Variants in DST observed in about 807,000 individuals in gnomAD.
The protein encoded by DST is bullous pemphigoid antigen.
DST carries 253 observed loss-of-function variants against 875.2 expected under a neutral mutation model. The observed-to-expected ratio is 0.29, with a 90% confidence interval of 0.26 to 0.32. The LOEUF is 0.32. DST is among the 10% of genes least tolerant of loss of function. The probability of loss-of-function intolerance (pLI) is 1.00; values close to 1 mark genes in which losing one functional copy is unlikely to be tolerated. For synonymous variants in DST, 3,124 were observed against 3,197.1 expected, an observed-to-expected ratio of 0.98 and a Z score of 0.77; for missense variants, 8,287 against 9,111.6, an observed-to-expected ratio of 0.91 and a Z score of 3.68.
At chr6:56,629,492 G>C (rs2098759626) in intron 31 of DST, 49 bp from the exon 32 acceptor site, 2 of 1,350,522 alleles carry the variant, frequency 1.5e-6, no homozygotes, top group East Asian at 2.3e-5. Context: ...ACCACTCACT[G>C]GGTAAATATA....
At chr6:56,656,032 G>A (rs150807036) in intron 10 of DST, among the ~76,000 whole-genome samples, 2 of 152,318 alleles carry the variant, frequency 1.3e-5, no homozygotes, top group African/African-American at 4.8e-5. Flanking sequence ...GAGCTATGGG[G>A]ACTGGGACAT....
At position 56,603,625 on chromosome 6, in the gene DST, T is replaced by C; in HGVS notation, c.10880A>G (p.Asp3627Gly). 6.2e-7 allele frequency: 1 copy of C among 1,611,248 alleles called. No individual in the cohort carries two copies. The highest frequency in any genetic ancestry group is 8.5e-7 in the Non-Finnish European group (1 of 1,178,974). ...TLLQDMKPPL[D>G]NQESLDNNLE... ...GTTGTTATCCAGAGATTCCTGGTTG[T>C]CTAAGGGGGGTTTCATATCTTGAAG... The change falls in exon 41 of 104, where the codon GAC becomes GGC. Residue 3627 changes from aspartate to glycine, a missense_variant. Transcript: ENST00000680361.
chr6:56,745,388 T>C (rs553767216), intron 4 of DST, among the ~76,000 whole-genome samples: 3 of 152,294 alleles, frequency 2.0e-5, no homozygotes, highest in African/African-American at 7.2e-5. Flanking sequence ...TTCTTGCACA[T>C]TTCAAGAGAA....
At chr6:56,592,444 T>C (rs1462188847) in intron 48 of DST, 86 bp from the exon 49 acceptor site, 4 of 1,127,678 alleles carry the variant, frequency 3.5e-6, no homozygotes, top group African/African-American at 3.2e-5. Flanking sequence ...ATAAAATATG[T>C]AACTTGGAAA....
chr6:56,622,962 C>T (rs1180487367), intron 36 of DST, among the ~76,000 whole-genome samples: 1 of 152,248 alleles, frequency 6.6e-6, no homozygotes, highest in East Asian at 1.9e-4. Context: ...GTCTTCAAAC[C>T]TCAGTTGCAG....
intron 4 of DST, among the ~76,000 whole-genome samples, chr6:56,735,767 G>A (rs2099521019): frequency 6.6e-6 from 1 of 152,154 alleles, no homozygotes; most frequent in African/African-American, 2.4e-5. Flanking sequence ...CTTGACAAAA[G>A]GCAAGGCCTA....
chr6:56,787,695 C>A (rs1226230767), intron 4 of DST, among the ~76,000 whole-genome samples: 4 of 151,986 alleles, frequency 2.6e-5, no homozygotes, highest in Non-Finnish European at 5.9e-5. Flanking sequence ...CAAATAAATG[C>A]CAAACTTTGT....
intron 68 of DST, 124 bp downstream of exon 68, chr6:56,527,369 C>G: frequency 1.6e-6 from 2 of 1,246,180 alleles, no homozygotes; most frequent in South Asian, 3.3e-5. Context: ...TCTATTGGGT[C>G]TCCACCCACC....
intron 4 of DST, among the ~76,000 whole-genome samples, chr6:56,757,666 C>T (rs1346295727): frequency 1.3e-5 from 2 of 152,184 alleles, no homozygotes; most frequent in African/African-American, 4.8e-5. Flanking sequence ...CTTTGTAAGA[C>T]ATCTGGCATG....
chr6:56,944,355 CA>C (rs71303767), intron 2 of DST, among the ~76,000 whole-genome samples: 16 of 146,100 alleles, frequency 1.1e-4, no homozygotes, highest in African/African-American at 2.5e-4. Flanking sequence ...CTCACAATAA[CA>C]AAAAAAAAAC....
intron 3 of DST, among the ~76,000 whole-genome samples, chr6:56,863,511 CA>C (rs143220449): frequency 0.032 from 4,903 of 152,202 alleles, 279 homozygotes; most frequent in African/African-American, 0.11. Flanking sequence ...TACAGCTGTG[CA>C]GCCCACACCC....
chr6:56,611,935 G>T (rs1311415198), intron 37 of DST, among the ~76,000 whole-genome samples: 1 of 152,184 alleles, frequency 6.6e-6, no homozygotes, highest in Non-Finnish European at 1.5e-5. Flanking sequence ...TCATCCTTGC[G>T]CACTGCAGTC....
At position 56,701,968 on chromosome 6, in the gene DST, AAGAAC is replaced by A; in HGVS notation, c.877-8_877-4del. ...CGCATCCGACCTTTTTCTCTGGGCTAAGAACAGAAAAATGCAGGTATGAAAAAGAG... is the reference window on the plus strand; with the variant it reads ...CGCATCCGACCTTTTTCTCTGGGCTAAGAAAAATGCAGGTATGAAAAAGAG... On this transcript the variant is annotated splice_region_variant and splice_polypyrimidine_tract_variant and intron_variant, in intron 7 of 103. Transcript: ENST00000680361. 6.3e-7 allele frequency: 1 copy of A among 1,597,502 alleles called. No individual in the cohort carries two copies. Among genetic ancestry groups the A allele is most frequent in the South Asian group, 1.1e-5 (1 of 90,100 alleles).
chr6:56,629,548 A>T, intron 31 of DST, 105 bp from the exon 32 acceptor site: 1 of 874,498 alleles, frequency 1.1e-6, no homozygotes, highest in Admixed American at 2.2e-5. Context: ...CAGGTAGAAA[A>T]TAAGATAAAG....
intron 3 of DST, among the ~76,000 whole-genome samples, chr6:56,897,131 G>C (rs951713638): frequency 6.6e-6 from 1 of 152,056 alleles, no homozygotes; most frequent in Non-Finnish European, 1.5e-5. Flanking sequence ...ATCTTGAGTT[G>C]ATTTTTGTAT....
chr6:56,850,831 G>A (rs759117746), intron 4 of DST, among the ~76,000 whole-genome samples: 6 of 152,230 alleles, frequency 3.9e-5, no homozygotes, highest in Non-Finnish European at 8.8e-5. Context: ...AATTAATCAG[G>A]AAGGCGTGAT....
Position 56,464,707 on chromosome 6 carries a change from A to G in DST, c.22737T>C (p.Ile7579=), listed in dbSNP as rs776992524. The part of the protein sequence containing the change: ...KMLRSESNSS[I]TTTQPTIAKG... Reference sequence around the variant, plus strand: ...AACCTATAGTAGGCTGAGTAGTAGTAATTGAAGAGTTTGATTCCGAACGTA... The same window carrying G: ...AACCTATAGTAGGCTGAGTAGTAGTGATTGAAGAGTTTGATTCCGAACGTA... Residue 7579 remains isoleucine (I), a synonymous_variant, in exon 100 of 104, where the codon ATT becomes ATC. Transcript: ENST00000680361. The G allele has an allele frequency of 1.2e-6, 2 of 1,600,212 alleles. No homozygotes were observed. The highest frequency in any genetic ancestry group is 1.7e-5 in the Admixed American group (1 of 58,376).
At position 56,774,113 on chromosome 6, in the gene DST, C is replaced by CAAAAAA. The variant is rs59394529; in HGVS notation, c.626-38830_626-38825dup. On this transcript the variant is annotated intron_variant, in intron 4 of 103. Coordinates refer to ENST00000680361, the MANE Select transcript of DST (RefSeq NM_001374736.1). Reference sequence around the variant, plus strand: ...TGGGCAACAGAGTGAGATTCTGTCTCAAAAAAAAAAAAAAAAAAAGAATTT... The same window carrying CAAAAAA: ...TGGGCAACAGAGTGAGATTCTGTCTCAAAAAAAAAAAAAAAAAAAAAAAAAGAATTT... 6.7e-4 allele frequency among the ~76,000 whole-genome samples: 51 copies of CAAAAAA among 76,050 alleles called. 1 individual carries two copies. The highest frequency in any genetic ancestry group is 1.3e-3 in the African/African-American group (28 of 22,372). 49.9% of individuals were successfully genotyped at this position (76,050 alleles called of 152,430 possible).
chr6:56,553,605 G>A lies in DST; in HGVS notation c.15187C>T (p.Gln5063Ter), dbSNP rs1188932590. 6.2e-7 allele frequency: 1 copy of A among 1,613,652 alleles called. No individual in the cohort carries two copies. Among genetic ancestry groups the A allele is most frequent in the Non-Finnish European group, 8.5e-7 (1 of 1,179,832 alleles). The change falls in exon 61 of 104, where the codon CAG becomes TAG. Residue 5063 changes from glutamine to a stop codon, truncating the protein, a stop_gained. Coordinates refer to ENST00000680361, the MANE Select transcript of DST (RefSeq NM_001374736.1). LOFTEE classifies it high-confidence loss of function. ...GCCTGAAAATCTCTAGACATTTGCT[G>A]AAATTGATGAGAGCTTGCACAGGCC... Reference protein sequence around the residue: ...QSACASSHQFQQMSRDFQAWL... With the variant: ...QSACASSHQF
Sources: allele counts gnomAD v4.1 joint callset (sites outside exome capture counted in the v4.1 genomes callset), GRCh38; gene constraint gnomAD v4.1.1; transcripts MANE v1.5; gene names NCBI Gene and HGNC (gene_info 2026-07-23, HGNC 2026-07-21).